MTR: variants seen among roughly 807,000 people sequenced by gnomAD.
The protein encoded by MTR is methionine synthase.
Under a neutral mutation model 154.8 loss-of-function variants are expected in MTR, and 84 were observed. The observed-to-expected ratio is 0.54, with a 90% CI of 0.45 to 0.65. The LOEUF (loss-of-function observed/expected upper bound fraction) is 0.65, where lower values mean the gene tolerates loss of function less well. Among genes scored for constraint, MTR ranks in the 30% least tolerant of loss-of-function variants. The pLI is 0.00. For synonymous variants in MTR, 554 were observed against 553.9 expected, an observed-to-expected ratio of 1.00 and a Z score of 0.00; for missense variants, 1,275 against 1,570.2, an observed-to-expected ratio of 0.81 and a Z score of 3.18.
intron 24 of MTR, among the ~76,000 whole-genome samples, chr1:236,875,971 TC>T (rs1272864266): frequency 6.6e-6 from 1 of 152,216 alleles, no homozygotes; most frequent in Non-Finnish European, 1.5e-5. Context: ...AATTTCTTCT[TC>T]CTTGTAGGGC....
intron 15 of MTR, among the ~76,000 whole-genome samples, chr1:236,846,590 G>T (rs1663587707): frequency 6.6e-6 from 1 of 151,982 alleles, no homozygotes; most frequent in African/African-American, 2.4e-5. Flanking sequence ...TTGGTATCTT[G>T]CCAGTGTTTA....
At chr1:236,887,267 G>A (rs1053627974) in intron 27 of MTR, among the ~76,000 whole-genome samples, 1 of 152,202 alleles carries the variant, frequency 6.6e-6, no homozygotes, top group East Asian at 1.9e-4. Context: ...TCCTTGCTGA[G>A]TTCAGCGTGG....
intron 2 of MTR, among the ~76,000 whole-genome samples, chr1:236,804,662 A>C (rs1660877547): frequency 6.6e-6 from 1 of 152,180 alleles, no homozygotes; most frequent in Admixed American, 6.5e-5. Flanking sequence ...TTTAAAAAAA[A>C]CTTAAATTAG....
chr1:236,860,052 C>T, intron 19 of MTR, 130 bp downstream of exon 19: 1 of 502,184 alleles, frequency 2.0e-6, no homozygotes, highest in South Asian at 1.7e-5. Context: ...GGAGGTCCCT[C>T]TTGCTGTCCC....
chr1:236,807,323 T>C (rs181663566), intron 3 of MTR, among the ~76,000 whole-genome samples: 1 of 152,262 alleles, frequency 6.6e-6, no homozygotes, highest in African/African-American at 2.4e-5. Flanking sequence ...ACAGGCTTGC[T>C]CTACCATGCC....
intron 1 of MTR, 99 bp downstream of exon 1, chr1:236,795,836 C>T: frequency 3.2e-6 from 5 of 1,580,958 alleles, no homozygotes; most frequent in South Asian, 1.1e-5. Flanking sequence ...GCGGGAGACG[C>T]CCGGCGGTGT....
intron 9 of MTR, among the ~76,000 whole-genome samples, chr1:236,824,598 T>C (rs1264331729): frequency 6.6e-6 from 1 of 152,228 alleles, no homozygotes; most frequent in Non-Finnish European, 1.5e-5. Context: ...GTGTTACCTT[T>C]TTCTTCTCTG....
chr1:236,818,784 A>G (rs150453686), intron 8 of MTR, among the ~76,000 whole-genome samples: 3 of 152,248 alleles, frequency 2.0e-5, no homozygotes, highest in African/African-American at 7.2e-5. Flanking sequence ...AATTCATCAA[A>G]TATTTATTGA....
rs1342265357 is a variant in MTR, at chr1:236,861,285, A to G, written c.2196+8A>G. 6.2e-7 allele frequency: 1 copy of G among 1,613,834 alleles called. No homozygotes were observed. The highest frequency in any genetic ancestry group is 1.7e-5 in the Admixed American group (1 of 60,012). ...AAAATGTTTCTACCTCAGGTTAGCA[A>G]AATATGGGGAGAAATTTTCACAGTT... On this transcript the variant is annotated splice_region_variant and intron_variant, in intron 20 of 32. Coordinates refer to ENST00000366577, the MANE Select transcript of MTR (RefSeq NM_000254.3).
chr1:236,859,047 A>G (rs1040811516), intron 18 of MTR, among the ~76,000 whole-genome samples: 1 of 152,202 alleles, frequency 6.6e-6, no homozygotes, highest in African/African-American at 2.4e-5. Context: ...CTCTTATGAC[A>G]TGGCTGTCTT....
rs1661814083 is a variant in MTR, at chr1:236,819,759, A to G, written c.764+3216A>G. ...AATGAAGCAGTACATCTATAAAAGG[A>G]AAAATGATGGGATCTACATCATAAA... On this transcript the variant is annotated intron_variant, in intron 8 of 32. Transcript: ENST00000366577. 4.0e-6 allele frequency: 3 copies of G among 751,006 alleles called. No homozygotes were observed. The Admixed American group carries it at 5.1e-5, about 13-fold the overall frequency. The allele number at this position is 751,006 out of a possible 1,614,324, so 46.5% of individuals were successfully genotyped here.
At position 236,825,350 on chromosome 1, in the gene MTR, C is replaced by G. The variant is rs1414665609; in HGVS notation, c.878C>G (p.Thr293Ser). Reference sequence around the variant, plus strand: ...TATCCTTTCTCAGGTCTTCCCAACACCTTTGGTGACTATGATGAAACGCCT... The same window carrying G: ...TATCCTTTCTCAGGTCTTCCCAACAGCTTTGGTGACTATGATGAAACGCCT... ...LCYPNAGLPN[T>S]FGDYDETPSM... Residue 293 changes from threonine (T) to serine (S), a missense_variant, in exon 10 of 33, where the codon ACC (threonine) becomes AGC (serine). Physicochemically the swap from Thr to Ser is moderately conservative, Grantham distance 58. Transcript: ENST00000366577. The G allele has an allele frequency of 1.2e-6, 2 of 1,613,456 alleles. No individual in the cohort carries two copies. Among genetic ancestry groups the G allele is most frequent in the Non-Finnish European group, 1.7e-6 (2 of 1,179,618 alleles).
intron 16 of MTR, among the ~76,000 whole-genome samples, chr1:236,851,682 G>T (rs1305339048): frequency 6.6e-6 from 1 of 152,144 alleles, no homozygotes; most frequent in Non-Finnish European, 1.5e-5. Flanking sequence ...CCACAAAATA[G>T]TAAGAATTGA....
intron 1 of MTR, chr1:236,799,913 A>G: frequency 3.4e-6 from 1 of 293,916 alleles, no homozygotes; most frequent in Non-Finnish European, 5.0e-6. Flanking sequence ...TGAAAAACCA[A>G]AGCAGATGTT....
At chr1:236,874,034 A>G (rs951054203) in intron 23 of MTR, among the ~76,000 whole-genome samples, 194 bp downstream of exon 23, 1 of 152,186 alleles carries the variant, frequency 6.6e-6, no homozygotes, top group Non-Finnish European at 1.5e-5. Flanking sequence ...ATGAGTAACT[A>G]TGGAACCGAG....
chr1:236,801,413 T>C (rs1284551084), intron 1 of MTR, among the ~76,000 whole-genome samples: 1 of 152,196 alleles, frequency 6.6e-6, no homozygotes, highest in Non-Finnish European at 1.5e-5. Flanking sequence ...TGAAGCCCAC[T>C]TGGAGAAAGT....
intron 18 of MTR, among the ~76,000 whole-genome samples, chr1:236,854,495 C>T (rs1382719704): frequency 1.3e-5 from 2 of 152,116 alleles, no homozygotes; most frequent in Non-Finnish European, 2.9e-5. Flanking sequence ...GAGACATGGG[C>T]GTTAAACACT....
chr1:236,803,693 T>C, intron 2 of MTR, 51 bp downstream of exon 2: 2 of 1,557,460 alleles, frequency 1.3e-6, no homozygotes, highest in African/African-American at 1.4e-5. Flanking sequence ...TTCTGCAAGC[T>C]GTTTCATGTA....
intron 6 of MTR, 81 bp downstream of exon 6, chr1:236,812,925 A>G: frequency 9.4e-7 from 1 of 1,065,138 alleles, no homozygotes; most frequent in Non-Finnish European, 1.5e-6. Flanking sequence ...AGATAATATT[A>G]GCCATTATCA....
Sources: gnomAD v4.1 joint callset for allele counts (sites outside exome capture counted in the v4.1 genomes callset) on GRCh38, gnomAD v4.1.1 for gene constraint, MANE v1.5 for transcripts, NCBI Gene and HGNC (gene_info 2026-07-23, HGNC 2026-07-21) for gene names.